TMEM156: variants seen among roughly 807,000 people sequenced by gnomAD.
TMEM156 encodes transmembrane protein 156.
A neutral mutation model predicts 30.5 loss-of-function variants in TMEM156; 28 were observed. That is an observed-to-expected ratio of 0.92 (90% CI 0.68 to 1.26). The LOEUF is 1.26. TMEM156 is among the 50% of genes most tolerant of loss of function. The pLI is 0.00. For missense variants in TMEM156, 351 were observed against 340.6 expected, an observed-to-expected ratio of 1.03 and a Z score of -0.24; for synonymous variants, 137 against 119.9, an observed-to-expected ratio of 1.14 and a Z score of -0.93.
chr4:39,017,764 T>C (rs1168453110), intron 1 of TMEM156, among the ~76,000 whole-genome samples: 2 of 152,216 alleles, frequency 1.3e-5, no homozygotes, highest in Non-Finnish European at 2.9e-5. Context: ...CTGACCTTCT[T>C]TATTGCTAGT....
intron 1 of TMEM156, among the ~76,000 whole-genome samples, chr4:39,018,462 C>T (rs1714646957): frequency 6.6e-6 from 1 of 152,072 alleles, no homozygotes; most frequent in Non-Finnish European, 1.5e-5. Context: ...TGCATCTCTG[C>T]CCTTCCTTCT....
intron 5 of TMEM156, among the ~76,000 whole-genome samples, chr4:38,982,212 A>G (rs1415383791): frequency 1.3e-5 from 2 of 152,170 alleles, no homozygotes; most frequent in South Asian, 4.1e-4. Context: ...GCCTTGGAAC[A>G]TCGGATTCCA....
At chr4:38,985,965 GA>G (rs1711951544) in intron 5 of TMEM156, among the ~76,000 whole-genome samples, 1 of 152,180 alleles carries the variant, frequency 6.6e-6, no homozygotes, top group East Asian at 1.9e-4. Flanking sequence ...TCTGCTAAGG[GA>G]AGGCTCCAGC....
At chr4:38,989,659 A>G (rs1474051634) in intron 3 of TMEM156, among the ~76,000 whole-genome samples, 1 of 152,224 alleles carries the variant, frequency 6.6e-6, no homozygotes, top group Non-Finnish European at 1.5e-5. Flanking sequence ...GTAGCTTAGC[A>G]CGGTCTCCCA....
rs150724285 is a variant in TMEM156 at position 38,986,396 on chromosome 4, C to T, written c.763G>A (p.Val255Ile). The T allele has an allele frequency of 8.1e-6, 13 of 1,613,260 alleles. No individual in the cohort carries two copies. Among genetic ancestry groups the T allele is most frequent in the Middle Eastern group, 1.6e-4 (1 of 6,082 alleles). Residue 255 changes from valine to isoleucine, a missense_variant, in exon 5 of 7, where the codon GTT becomes ATT. Physicochemically the swap from Val to Ile is conservative, Grantham distance 29. Coordinates refer to ENST00000381938, the MANE Select transcript of TMEM156 (RefSeq NM_024943.3). ...TCCGAATCACTTCCTCTTAAGAGAACAGATGTAGGTTTGTCTCTATGACCT... is the reference window on the plus strand; with the variant it reads ...TCCGAATCACTTCCTCTTAAGAGAATAGATGTAGGTTTGTCTCTATGACCT... ...WQSHRDKPTS[V>I]LLRGSDSEKL...
intron 4 of TMEM156, among the ~76,000 whole-genome samples, chr4:38,988,624 C>T (rs1712178189): frequency 6.9e-6 from 1 of 145,880 alleles, no homozygotes. Flanking sequence ...CAGCTTCTTC[C>T]TATTCACCCA....
At chr4:38,979,263 C>A in intron 5 of TMEM156, among the ~76,000 whole-genome samples, 1 of 152,226 alleles carries the variant, frequency 6.6e-6, no homozygotes, top group East Asian at 1.9e-4. Context: ...TTGTGGGCAG[C>A]AGCAGCCAAG....
At chr4:38,969,822 AG>A (rs1311390708) in intron 6 of TMEM156, among the ~76,000 whole-genome samples, 2 of 152,078 alleles carry the variant, frequency 1.3e-5, no homozygotes, top group Non-Finnish European at 2.9e-5. Flanking sequence ...CGAACCCCTG[AG>A]CTCCAGCAAC....
intron 2 of TMEM156, among the ~76,000 whole-genome samples, chr4:38,996,262 GAA>G (rs372975520): frequency 8.4e-5 from 10 of 119,404 alleles, no homozygotes; most frequent in African/African-American, 3.0e-4. Context: ...CCATTACTAA[GAA>G]AAAAAAAAAA....
chr4:38,975,321 A>T (rs747740728), intron 5 of TMEM156, among the ~76,000 whole-genome samples: 7 of 151,708 alleles, frequency 4.6e-5, no homozygotes, highest in Non-Finnish European at 8.8e-5. Context: ...TATGTCTGTC[A>T]GCCCAGTCTC....
intron 1 of TMEM156, among the ~76,000 whole-genome samples, chr4:39,031,099 T>C (rs575346257): frequency 3.9e-5 from 6 of 152,258 alleles, no homozygotes; most frequent in Non-Finnish European, 7.3e-5. Flanking sequence ...ACAATAAATA[T>C]TCATTGCAGC....
chr4:39,022,259 C>A (rs1714917971), intron 1 of TMEM156, among the ~76,000 whole-genome samples: 1 of 152,198 alleles, frequency 6.6e-6, no homozygotes, highest in South Asian at 2.1e-4. Flanking sequence ...CTTTCTCCAC[C>A]CATAGCCAAA....
At chr4:39,013,557 C>T (rs551630090) in intron 1 of TMEM156, among the ~76,000 whole-genome samples, 1 of 151,862 alleles carries the variant, frequency 6.6e-6, no homozygotes, top group Non-Finnish European at 1.5e-5. Flanking sequence ...CACCTCACCA[C>T]GCCCAGCTAA....
intron 1 of TMEM156, among the ~76,000 whole-genome samples, chr4:39,010,922 T>G (rs1272175445): frequency 6.6e-6 from 1 of 152,146 alleles, no homozygotes; most frequent in Non-Finnish European, 1.5e-5. Context: ...TGGAACATTA[T>G]TAAACTAAAG....
chr4:39,023,390 T>C (rs976303492), intron 1 of TMEM156, among the ~76,000 whole-genome samples: 20 of 152,194 alleles, frequency 1.3e-4, no homozygotes, highest in African/African-American at 4.6e-4. Flanking sequence ...TACAATAATG[T>C]TCATAGCAGC....
At position 38,983,679 on chromosome 4, in the gene TMEM156, C is replaced by T. The variant is rs113291719; in HGVS notation, c.823+2657G>A. 5.9e-4 allele frequency among the ~76,000 whole-genome samples: 90 copies of T among 152,294 alleles called. 1 individual carries two copies. Among genetic ancestry groups the T allele is most frequent in the African/African-American group, 1.9e-3 (79 of 41,562 alleles). On this transcript the variant is annotated intron_variant, in intron 5 of 6. Coordinates refer to ENST00000381938, the MANE Select transcript of TMEM156 (RefSeq NM_024943.3). ...CCTCCTAAAGTGCTGGGATTACAGG[C>T]GTGGGCCACCACACTCGGCCTAGAG...
At chr4:38,993,313 C>G (rs1171977694) in intron 3 of TMEM156, among the ~76,000 whole-genome samples, 1 of 151,826 alleles carries the variant, frequency 6.6e-6, no homozygotes, top group Non-Finnish European at 1.5e-5. Context: ...CACCTGTAGT[C>G]CCAGCTACTC....
At chr4:38,983,029 T>C (rs1300865466) in intron 5 of TMEM156, among the ~76,000 whole-genome samples, 1 of 152,120 alleles carries the variant, frequency 6.6e-6, no homozygotes, top group Non-Finnish European at 1.5e-5. Flanking sequence ...CCTTGGAGCT[T>C]GCAATCCTGA....
At chr4:38,984,147 T>A (rs535605754) in intron 5 of TMEM156, among the ~76,000 whole-genome samples, 1 of 152,258 alleles carries the variant, frequency 6.6e-6, no homozygotes, top group South Asian at 2.1e-4. Context: ...TTGATTCAGT[T>A]TGACATCTCT....
Sources: gnomAD v4.1 joint callset for allele counts (sites outside exome capture counted in the v4.1 genomes callset) on GRCh38, gnomAD v4.1.1 for gene constraint, MANE v1.5 for transcripts, NCBI Gene and HGNC (gene_info 2026-07-23, HGNC 2026-07-21) for gene names.